HELQ: variants seen among roughly 807,000 people sequenced by gnomAD.
HELQ encodes helicase POLQ-like.
Under a neutral mutation model 111.6 loss-of-function variants are expected in HELQ, and 77 were observed. The observed-to-expected ratio is 0.69, with a 90% confidence interval of 0.57 to 0.83. HELQ has a LOEUF of 0.83. HELQ is among the 40% of genes least tolerant of loss of function. HELQ has a pLI of 0.00. For synonymous variants in HELQ, 438 were observed against 454.7 expected, an observed-to-expected ratio of 0.96 and a Z score of 0.47; for missense variants, 1,200 against 1,288.5, an observed-to-expected ratio of 0.93 and a Z score of 1.05.
At chr4:83,409,233 T>C (rs1738957669) in intron 17 of HELQ, among the ~76,000 whole-genome samples, 1 of 152,044 alleles carries the variant, frequency 6.6e-6, no homozygotes, top group Non-Finnish European at 1.5e-5. Flanking sequence ...CAAGCAGTTC[T>C]CATCTATACA....
chr4:83,417,764 G>A (rs1458591280), intron 16 of HELQ, among the ~76,000 whole-genome samples: 8 of 152,128 alleles, frequency 5.3e-5, no homozygotes, highest in Non-Finnish European at 1.2e-4. Flanking sequence ...AGTCCAAACT[G>A]ACAGAAGGTA....
Position 83,443,517 on chromosome 4 carries a change from TG to T in HELQ, c.1562del (p.Pro521GlnfsTer4). The T allele has an allele frequency of 1.4e-6, 2 of 1,437,132 alleles. No homozygotes were observed. Among genetic ancestry groups the T allele is most frequent in the Non-Finnish European group, 1.9e-6 (2 of 1,028,278 alleles). The allele number at this position is 1,437,132 out of a possible 1,614,324, so 89.0% of individuals were successfully genotyped here. A position where few individuals can be genotyped will look rare whatever the true frequency, so the allele number is the denominator to read the frequency against. On this transcript the variant is annotated frameshift_variant and splice_region_variant, in exon 6 of 18. Coordinates refer to ENST00000295488, the MANE Select transcript of HELQ (RefSeq NM_133636.5). LOFTEE classifies it high-confidence loss of function. ...QAEYYTSQFRPVELKEYLKIN... is the reference protein window; with the variant it reads ...QAEYYTSQFRXVELKEYLKIN... ...TACAGTGCAAACCTTAGGTACATACTGGTCTAAATTGACTGGTATAATATTC... is the reference window on the plus strand; with the variant it reads ...TACAGTGCAAACCTTAGGTACATACTGTCTAAATTGACTGGTATAATATTC...
chr4:83,435,476 G>A (rs1008922934), intron 9 of HELQ, among the ~76,000 whole-genome samples: 5 of 151,946 alleles, frequency 3.3e-5, no homozygotes, highest in South Asian at 2.1e-4. Flanking sequence ...GTGTAAAAGT[G>A]TGAGGCCAAA....
intron 6 of HELQ, among the ~76,000 whole-genome samples, 197 bp downstream of exon 6, chr4:83,443,320 C>T (rs1320620644): frequency 6.6e-6 from 1 of 152,138 alleles, no homozygotes; most frequent in Non-Finnish European, 1.5e-5. Flanking sequence ...ACATTAGTGA[C>T]CCAACCCAAG....
chr4:83,408,405 A>T (rs1738906306), intron 17 of HELQ, among the ~76,000 whole-genome samples: 1 of 152,060 alleles, frequency 6.6e-6, no homozygotes, highest in South Asian at 2.1e-4. Flanking sequence ...GGCATGCACC[A>T]CCACACCCAG....
Position 83,418,180 on chromosome 4 carries a change from T to A in HELQ, c.2976A>T (p.Arg992Ser). ...TCTTGGTAAGTTCTACCAAAAGGGC[T>A]CTGTAAACCCAAAACTCCTCAAGCT... ...CEELEEFWVY[R>S]ALLVELTKKL... is the part of the protein sequence containing the mutation. The change falls in exon 16 of 18, where the codon AGA becomes AGT. Residue 992 changes from arginine (R) to serine (S), a missense_variant. By Grantham distance (110) the Arg-to-Ser change is moderately radical. Coordinates refer to ENST00000295488, the MANE Select transcript of HELQ (RefSeq NM_133636.5). 1 of 1,605,414 alleles carries A rather than the reference T, an allele frequency of 6.2e-7. No individual in the cohort carries two copies. Among genetic ancestry groups the A allele is most frequent in the Non-Finnish European group, 8.5e-7 (1 of 1,174,980 alleles).
chr4:83,428,611 C>T (rs1198287671), intron 12 of HELQ, among the ~76,000 whole-genome samples: 1 of 151,980 alleles, frequency 6.6e-6, no homozygotes, highest in Non-Finnish European at 1.5e-5. Flanking sequence ...ACACTTTATT[C>T]ACTGTCATGA....
rs1306447215 is a variant in HELQ at position 83,455,578 on chromosome 4, T to A, written c.116A>T (p.Glu39Val). The change falls in exon 1 of 18, where the codon GAG (glutamate) becomes GTG (valine). Residue 39 changes from glutamate (E) to valine (V), a missense_variant. This residue lies in a region of HELQ where 610 missense variants were observed against 607.1 expected (regional missense o/e 1.00). Coordinates refer to ENST00000295488, the MANE Select transcript of HELQ (RefSeq NM_133636.5). ...CACCATTTCCTCCTCCTCTTTCCCC[T>A]CATCTCCGGGCACGAGCTCGGCCGC... ...PTAAELVPGD[E>V]GKEEEEMVAE... 1.2e-6 allele frequency: 2 copies of A among 1,614,124 alleles called. No homozygotes were observed. The highest frequency in any genetic ancestry group is 2.2e-5 in the South Asian group (2 of 91,078).
Position 83,443,497 on chromosome 4 carries a change from T to C in HELQ, c.1563+20A>G. On this transcript the variant is annotated intron_variant, in intron 6 of 17. Transcript: ENST00000295488. ...ATGAATACGAAACAAATCAATACAGTGCAAACCTTAGGTACATACTGGTCT... is the reference window on the plus strand; with the variant it reads ...ATGAATACGAAACAAATCAATACAGCGCAAACCTTAGGTACATACTGGTCT... 8.7e-7 allele frequency: 1 copy of C among 1,154,022 alleles called. No homozygotes were observed. Among genetic ancestry groups the C allele is most frequent in the Non-Finnish European group, 1.3e-6 (1 of 787,802 alleles). The allele number at this position is 1,154,022 out of a possible 1,614,324, so 71.5% of individuals were successfully genotyped here.
At chr4:83,449,798 T>C (rs1205162636) in intron 2 of HELQ, among the ~76,000 whole-genome samples, 2 of 151,168 alleles carry the variant, frequency 1.3e-5, no homozygotes, top group Non-Finnish European at 2.9e-5. Flanking sequence ...AATAAATACA[T>C]GAGAAGATGC....
At chr4:83,440,733 GTTGT>G (rs1720715713) in intron 7 of HELQ, among the ~76,000 whole-genome samples, 2 of 152,038 alleles carry the variant, frequency 1.3e-5, no homozygotes, top group African/African-American at 4.8e-5. Flanking sequence ...TGTTGTTGTT[GTTGT>G]ATGAATAAAC....
chr4:83,433,925 G>A (rs1291002455), intron 9 of HELQ, among the ~76,000 whole-genome samples: 2 of 144,382 alleles, frequency 1.4e-5, no homozygotes, highest in Non-Finnish European at 3.0e-5. Context: ...AGGTTGCAGT[G>A]AGCAGATATC....
chr4:83,446,190 T>C, intron 4 of HELQ, 104 bp from the exon 5 acceptor site: 1 of 775,586 alleles, frequency 1.3e-6, no homozygotes, highest in Non-Finnish European at 2.2e-6. Context: ...GAGTTGCTTA[T>C]AACTTTTAAG....
chr4:83,430,745 T>C (rs1169405959), intron 11 of HELQ, among the ~76,000 whole-genome samples: 1 of 152,194 alleles, frequency 6.6e-6, no homozygotes, highest in Non-Finnish European at 1.5e-5. Flanking sequence ...ATAAAAATCA[T>C]TATTAATATA....
At chr4:83,437,374 A>T (rs1720516173) in intron 8 of HELQ, among the ~76,000 whole-genome samples, 2 of 152,142 alleles carry the variant, frequency 1.3e-5, no homozygotes, top group South Asian at 4.1e-4. Flanking sequence ...GCACTTTGGG[A>T]GGTAGAGGCA....
intron 8 of HELQ, among the ~76,000 whole-genome samples, chr4:83,438,731 G>A (rs1443199932): frequency 7.7e-6 from 1 of 130,222 alleles, no homozygotes; most frequent in African/African-American, 3.5e-5. Flanking sequence ...AGGTGACAGA[G>A]TGAGACCCTG....
At chr4:83,424,830 CAGGCATG>C (rs1719758505) in intron 14 of HELQ, among the ~76,000 whole-genome samples, 1 of 152,160 alleles carries the variant, frequency 6.6e-6, no homozygotes, top group South Asian at 2.1e-4. Flanking sequence ...GCTGGGATTA[CAGGCATG>C]AGCCACTGTG....
chr4:83,451,552 G>A (rs1334628476), intron 2 of HELQ, among the ~76,000 whole-genome samples: 1 of 152,056 alleles, frequency 6.6e-6, no homozygotes, highest in Non-Finnish European at 1.5e-5. Context: ...TGTAGTCCCA[G>A]CTACTGGGGA....
At chr4:83,442,208 T>G (rs1329683733) in intron 6 of HELQ, among the ~76,000 whole-genome samples, 1 of 150,456 alleles carries the variant, frequency 6.6e-6, no homozygotes, top group Non-Finnish European at 1.5e-5. Flanking sequence ...GCAATTAAGT[T>G]AAAAAATATC....
Sources: allele counts gnomAD v4.1 joint callset (sites outside exome capture counted in the v4.1 genomes callset), GRCh38; gene constraint gnomAD v4.1.1; regional missense constraint gnomAD v4.1.1; transcripts MANE v1.5; gene names NCBI Gene and HGNC (gene_info 2026-07-23, HGNC 2026-07-21).